CDKL5: variants seen among roughly 807,000 people sequenced by gnomAD.
CDKL5 encodes cyclin dependent kinase like 5.
In CDKL5, 8 loss-of-function variants were observed where a neutral mutation model predicts 61.7. The ratio of observed to expected loss-of-function variants is 0.13; its 90% confidence interval spans 0.08 to 0.23. The LOEUF is 0.23. Ranked by LOEUF, CDKL5 falls within the 10% of genes least tolerant of loss-of-function variation. The probability of loss-of-function intolerance (pLI) is 1.00; values close to 1 mark genes in which losing one functional copy is unlikely to be tolerated. For synonymous variants in CDKL5, 275 were observed against 272.3 expected, an observed-to-expected ratio of 1.01 and a Z score of -0.10; for missense variants, 440 against 734.5, an observed-to-expected ratio of 0.60 and a Z score of 4.63.
chrX:18,548,128 A>G (rs1924264177), intron 3 of CDKL5, among the ~76,000 whole-genome samples: 1 of 108,129 alleles, frequency 9.2e-6, no homozygotes, highest in Admixed American at 9.9e-5. Flanking sequence ...GTAATGAGCT[A>G]GAAAGTTTTT....
At chrX:18,527,806 G>GAA (rs1239825613) in intron 3 of CDKL5, among the ~76,000 whole-genome samples, 2 of 111,100 alleles carry the variant, frequency 1.8e-5, no homozygotes, top group Non-Finnish European at 3.8e-5. Context: ...GTAGATTATT[G>GAA]ATTTTACGTC....
intron 1 of CDKL5, among the ~76,000 whole-genome samples, chrX:18,439,577 C>T (rs1392311853): frequency 1.8e-5 from 2 of 111,254 alleles, no homozygotes; most frequent in Non-Finnish European, 3.8e-5. Flanking sequence ...TGGTGGCTCA[C>T]GCTATATCCC....
intron 20 of CDKL5, among the ~76,000 whole-genome samples, chrX:18,649,787 G>A (rs769787487): frequency 8.9e-5 from 10 of 112,043 alleles, no homozygotes; most frequent in Admixed American, 4.7e-4. Flanking sequence ...GAGTGCCTGC[G>A]GACTCGAGGG....
In CDKL5 at chrX:18,636,336, T is replaced by TTTATTATTATTATTA. The variant is rs201239931; in HGVS notation, c.*7612_*7626dup. 1.1e-5 allele frequency: 1 copy of TTTATTATTATTATTA among 94,021 alleles called. No homozygotes were observed. The highest frequency in any genetic ancestry group is 3.8e-5 in the African/African-American group (1 of 26,141). The allele number at this position is 94,021 out of a possible 1,213,427, so 7.7% of individuals were successfully genotyped here. On this transcript the variant is annotated 3_prime_UTR_variant, in exon 18 of 18. Coordinates refer to ENST00000623535, the MANE Select transcript of CDKL5 (RefSeq NM_001323289.2). ...CAGGCACAATGCCCAAGTGTTTTGCTTTATTATTATTATTATTATTATTAT... is the reference window on the plus strand; with the variant it reads ...CAGGCACAATGCCCAAGTGTTTTGCTTTATTATTATTATTATTATTATTATTATTATTATTATTAT...
At chrX:18,589,433 TTCCAGCTTTATCCATG>T (rs2147149451) in intron 9 of CDKL5, 1 of 111,188 alleles carries the variant, frequency 9.0e-6, no homozygotes, top group Admixed American at 9.6e-5. Context: ...GAATGATGGT[TTCCAGCTTTATCCATG>T]TCCCTACAAA....
intron 3 of CDKL5, among the ~76,000 whole-genome samples, chrX:18,524,193 A>G (rs932788437): frequency 8.9e-6 from 1 of 111,869 alleles, no homozygotes; most frequent in African/African-American, 3.3e-5. Context: ...GTCTATTACC[A>G]TTGAGTATTC....
intron 3 of CDKL5, among the ~76,000 whole-genome samples, chrX:18,539,906 C>T (rs749369604): frequency 9.3e-4 from 104 of 111,534 alleles, no homozygotes; most frequent in Non-Finnish European, 1.6e-3. Context: ...GTGTAGAAAT[C>T]TTACTCTCCT....
intron 1 of CDKL5, among the ~76,000 whole-genome samples, chrX:18,491,851 C>G (rs948498726): frequency 7.2e-5 from 8 of 111,344 alleles, no homozygotes; most frequent in African/African-American, 2.6e-4. Context: ...TCACTTCTCT[C>G]TCTAGCTTAA....
intron 1 of CDKL5, among the ~76,000 whole-genome samples, chrX:18,454,265 C>T (rs1409725582): frequency 9.1e-6 from 1 of 109,354 alleles, no homozygotes; most frequent in Non-Finnish European, 1.9e-5. Flanking sequence ...GAGATGGAGT[C>T]TTGCTCTGTC....
intron 20 of CDKL5, chrX:18,647,654 CT>C: frequency 6.8e-6 from 2 of 294,403 alleles, no homozygotes; most frequent in South Asian, 9.8e-5. Context: ...ACTTAGAGAT[CT>C]AAAAACCAAG....
chrX:18,644,961 A>G (rs1395226376), downstream of CDKL5, among the ~76,000 whole-genome samples: 1 of 112,340 alleles, frequency 8.9e-6, no homozygotes, highest in Non-Finnish European at 1.9e-5. Flanking sequence ...CATGGCTGTT[A>G]GACCACCAGC....
rs1927286737 is a variant in CDKL5, at chrX:18,633,350, G to A, written c.*4593G>A. 2 of 752,725 alleles carry A rather than the reference G, an allele frequency of 2.7e-6. No homozygotes were observed. The highest frequency in any genetic ancestry group is 3.1e-6 in the Non-Finnish European group (2 of 639,030). The allele number at this position is 752,725 out of a possible 1,213,427, so 62.0% of individuals were successfully genotyped here. A position where few individuals can be genotyped will look rare whatever the true frequency, so the allele number is the denominator to read the frequency against. On this transcript the variant is annotated 3_prime_UTR_variant, in exon 18 of 18. Transcript: ENST00000623535. ...ACTTATGGTTTGAAGAACCACAATT[G>A]TTTTTGAAAGGGGACATAGAAAAGA...
chrX:18,504,272 GT>G (rs780784507), intron 1 of CDKL5, among the ~76,000 whole-genome samples: 1 of 109,473 alleles, frequency 9.1e-6, no homozygotes, highest in Non-Finnish European at 1.9e-5. Context: ...GTTTTTGTTT[GT>G]TTTTTTTGTT....
chrX:18,647,491 C>T (rs779958986), intron 20 of CDKL5: 22 of 506,578 alleles, frequency 4.3e-5, no homozygotes, highest in South Asian at 5.8e-5. Flanking sequence ...GTGTCTTCAA[C>T]GGTTCACTAC....
In CDKL5 at chrX:18,631,906, T is replaced by C; in HGVS notation, c.*3149T>C. 1 of 739,579 alleles carries C rather than the reference T, an allele frequency of 1.4e-6. No homozygotes were observed. The highest frequency in any genetic ancestry group is 1.6e-6 in the Non-Finnish European group (1 of 625,996). 60.9% of individuals were successfully genotyped at this position (739,579 alleles called of 1,213,427 possible). The stretch of plus-strand genomic sequence containing the variant: ...ACTGTGGTTCTCAACTAGGGGCAGA[T>C]TTACCCCCAAGGGTACATTTGGCAA... On this transcript the variant is annotated 3_prime_UTR_variant, in exon 18 of 18. Transcript: ENST00000623535.
rs1927312642 is a variant in CDKL5 at position 18,634,076 on chromosome X, G to A, written c.*5319G>A. ...TCATTTCCCACAAGGTTAAGCTCTCGAAACCCCATTTGATCCTTGGTTCCT... is the reference window on the plus strand; with the variant it reads ...TCATTTCCCACAAGGTTAAGCTCTCAAAACCCCATTTGATCCTTGGTTCCT... On this transcript the variant is annotated 3_prime_UTR_variant, in exon 18 of 18. Coordinates refer to ENST00000623535, the MANE Select transcript of CDKL5 (RefSeq NM_001323289.2). 2.7e-6 allele frequency: 2 copies of A among 754,055 alleles called. No individual in the cohort carries two copies. The highest frequency in any genetic ancestry group is 3.1e-6 in the Non-Finnish European group (2 of 639,319). The allele number at this position is 754,055 out of a possible 1,213,427, so 62.1% of individuals were successfully genotyped here.
At chrX:18,595,258 C>A in intron 9 of CDKL5, 90 bp from the exon 10 acceptor site, 1 of 606,226 alleles carries the variant, frequency 1.6e-6, no homozygotes, top group Non-Finnish European at 2.9e-6. Flanking sequence ...GGCATTTTTG[C>A]TTATCTGCTC....
At chrX:18,550,682 C>T (rs989531637) in intron 3 of CDKL5, among the ~76,000 whole-genome samples, 3 of 112,425 alleles carry the variant, frequency 2.7e-5, no homozygotes, top group African/African-American at 9.7e-5. Flanking sequence ...GTTTAGATTG[C>T]CTGCAGTTGG....
chrX:18,570,804 T>C (rs1367084276), intron 4 of CDKL5, among the ~76,000 whole-genome samples: 1 of 112,331 alleles, frequency 8.9e-6, no homozygotes, highest in African/African-American at 3.2e-5. Flanking sequence ...TTCTTAAGAA[T>C]TGTTCTCTTT....
Sources: allele counts gnomAD v4.1 joint callset (sites outside exome capture counted in the v4.1 genomes callset), GRCh38; gene constraint gnomAD v4.1.1; transcripts MANE v1.5; gene names NCBI Gene and HGNC (gene_info 2026-07-23, HGNC 2026-07-21).